DLG2: variants seen among roughly 807,000 people sequenced by gnomAD.
DLG2 encodes the protein discs large MAGUK scaffold protein 2.
Under a neutral mutation model 132.5 loss-of-function variants are expected in DLG2, and 45 were observed. The observed-to-expected ratio is 0.34, with a 90% confidence interval of 0.27 to 0.44. The LOEUF is 0.44. Among genes scored for constraint, DLG2 ranks in the 20% least tolerant of loss-of-function variants. The probability of loss-of-function intolerance (pLI) is 1.00; values close to 1 mark genes in which losing one functional copy is unlikely to be tolerated. For synonymous variants in DLG2, 424 were observed against 419.6 expected, an observed-to-expected ratio of 1.01 and a Z score of -0.13; for missense variants, 1,045 against 1,196.9, an observed-to-expected ratio of 0.87 and a Z score of 1.87.
At chr11:84,933,133 G>T (rs143779159) in intron 6 of DLG2, among the ~76,000 whole-genome samples, 265 of 152,156 alleles carry the variant, frequency 1.7e-3, no homozygotes, top group African/African-American at 6.3e-3. Flanking sequence ...TTTTATATAT[G>T]TTTGTTGGCC....
intron 3 of DLG2, chr11:85,525,151 A>G (rs1044687012): frequency 1.3e-5 from 2 of 152,232 alleles, no homozygotes; most frequent in African/African-American, 2.4e-5. Context: ...AATTTACCAA[A>G]TTAACAGAAT....
intron 19 of DLG2, among the ~76,000 whole-genome samples, chr11:83,627,802 A>G (rs929610526): frequency 2.0e-5 from 3 of 152,180 alleles, no homozygotes; most frequent in African/African-American, 7.2e-5. Flanking sequence ...GACTTCCACA[A>G]TGGTTGAACT....
chr11:84,136,726 G>T (rs575045070), intron 9 of DLG2, among the ~76,000 whole-genome samples: 1 of 152,242 alleles, frequency 6.6e-6, no homozygotes, highest in South Asian at 2.1e-4. Context: ...TTATGGTCAA[G>T]GCAAAGTCTC....
intron 14 of DLG2, among the ~76,000 whole-genome samples, chr11:83,955,177 C>T (rs1470999456): frequency 6.6e-6 from 1 of 152,072 alleles, no homozygotes; most frequent in Non-Finnish European, 1.5e-5. Flanking sequence ...CACAACAAAC[C>T]TATGATGTAG....
intron 3 of DLG2, among the ~76,000 whole-genome samples, chr11:85,575,727 G>A (rs2078118156): frequency 6.6e-6 from 1 of 151,824 alleles, no homozygotes; most frequent in Non-Finnish European, 1.5e-5. Flanking sequence ...TCTTAAATAG[G>A]ACTTTAATAA....
chr11:84,243,629 C>A (rs186434034), intron 8 of DLG2, among the ~76,000 whole-genome samples: 1 of 152,094 alleles, frequency 6.6e-6, no homozygotes, highest in East Asian at 1.9e-4. Flanking sequence ...TTTGGTGGAA[C>A]TTTAGATTCT....
intron 19 of DLG2, among the ~76,000 whole-genome samples, chr11:83,552,649 T>C (rs1324133749): frequency 2.0e-5 from 3 of 152,146 alleles, no homozygotes; most frequent in Non-Finnish European, 4.4e-5. Context: ...TAATCTCATA[T>C]TCTTGAGGGC....
intron 15 of DLG2, among the ~76,000 whole-genome samples, chr11:83,902,104 C>T (rs959180782): frequency 1.2e-4 from 18 of 152,094 alleles, no homozygotes; most frequent in African/African-American, 4.3e-4. Context: ...ATTCGAAAGC[C>T]TTTCATGATC....
intron 6 of DLG2, among the ~76,000 whole-genome samples, chr11:84,867,500 C>G (rs549384299): frequency 6.6e-6 from 1 of 152,140 alleles, no homozygotes; most frequent in Non-Finnish European, 1.5e-5. Context: ...GCTTTTCTGT[C>G]TCTAGTTAGC....
intron 6 of DLG2, among the ~76,000 whole-genome samples, chr11:84,858,831 C>G (rs1295397456): frequency 6.6e-6 from 1 of 151,766 alleles, no homozygotes; most frequent in Non-Finnish European, 1.5e-5. Flanking sequence ...TTGACAAGTA[C>G]TCAAACAAAA....
intron 5 of DLG2, among the ~76,000 whole-genome samples, chr11:85,135,266 A>G (rs529636278): frequency 6.6e-6 from 1 of 152,350 alleles, no homozygotes; most frequent in East Asian, 1.9e-4. Flanking sequence ...GGAAGTTTAA[A>G]TGACTTCCTA....
At chr11:85,176,063 T>G (rs924456669) in intron 4 of DLG2, among the ~76,000 whole-genome samples, 2 of 152,182 alleles carry the variant, frequency 1.3e-5, no homozygotes, top group Admixed American at 6.5e-5. Context: ...GATTCAATGC[T>G]ATTCCCATTA....
chr11:85,282,041 T>C (rs183379723), intron 4 of DLG2, among the ~76,000 whole-genome samples: 47 of 151,482 alleles, frequency 3.1e-4, no homozygotes, highest in Middle Eastern at 3.4e-3. Flanking sequence ...AAAAAATAAA[T>C]AAATAAACTC....
intron 3 of DLG2, among the ~76,000 whole-genome samples, chr11:85,310,316 G>A (rs919728101): frequency 6.6e-6 from 1 of 152,166 alleles, no homozygotes; most frequent in Admixed American, 6.6e-5. Context: ...GATAGAAGAA[G>A]AAAATAGTAA....
chr11:84,120,425 G>T (rs942786444), intron 9 of DLG2, among the ~76,000 whole-genome samples: 1 of 152,126 alleles, frequency 6.6e-6, no homozygotes, highest in Admixed American at 6.6e-5. Context: ...GGGATACACC[G>T]GTAGTAATTT....
At chr11:84,966,868 A>T (rs1292972827) in intron 6 of DLG2, among the ~76,000 whole-genome samples, 1 of 152,074 alleles carries the variant, frequency 6.6e-6, no homozygotes, top group Non-Finnish European at 1.5e-5. Flanking sequence ...ATCATCAAAC[A>T]CATAGAGATA....
chr11:83,851,000 C>T (rs1480478557), intron 16 of DLG2, among the ~76,000 whole-genome samples: 1 of 151,894 alleles, frequency 6.6e-6, no homozygotes, highest in Non-Finnish European at 1.5e-5. Context: ...CACGGTGAAA[C>T]CCCGTCTCTA....
intron 11 of DLG2, among the ~76,000 whole-genome samples, chr11:83,997,730 C>CAAAAAAAAAAAAAAAAAAAAA (rs71066079): frequency 1.6e-4 from 4 of 24,796 alleles, no homozygotes; most frequent in Non-Finnish European, 2.1e-4. Flanking sequence ...GACTCCATCT[C>CAAAAAAAAAAAAAAAAAAAAA]AAAAAAAAAA....
At chr11:84,636,934 A>G (rs967410155) in intron 6 of DLG2, among the ~76,000 whole-genome samples, 1 of 149,936 alleles carries the variant, frequency 6.7e-6, no homozygotes, top group African/African-American at 2.5e-5. Context: ...GGTGCCCACC[A>G]CCACACCTGC....
Sources: allele counts gnomAD v4.1 joint callset (sites outside exome capture counted in the v4.1 genomes callset), GRCh38; gene constraint gnomAD v4.1.1; transcripts MANE v1.5; gene names NCBI Gene and HGNC (gene_info 2026-07-23, HGNC 2026-07-21).